The following MRAP2 variants were observed in gnomAD, a reference collection of about 807,000 sequenced individuals.
The protein encoded by MRAP2 is melanocortin 2 receptor accessory protein 2.
A neutral mutation model predicts 17.4 loss-of-function variants in MRAP2; 20 were observed. The observed-to-expected ratio is 1.15, with a 90% CI of 0.81 to 1.67. The LOEUF (loss-of-function observed/expected upper bound fraction) is 1.67. Among genes scored for constraint, MRAP2 ranks in the 40% most tolerant of loss-of-function variants. The pLI is 0.00. For synonymous variants in MRAP2, 96 were observed against 88.4 expected (o/e 1.09, Z -0.48); for missense variants, 238 against 240.0 (o/e 0.99, Z 0.05).
At chr6:84,042,061 G>C (rs1336374690) in intron 1 of MRAP2, among the ~76,000 whole-genome samples, 1 of 152,188 alleles carries the variant, frequency 6.6e-6, no homozygotes, top group African/African-American at 2.4e-5. Flanking sequence ...GAGGGACCTG[G>C]TGGGAGGTAA....
At chr6:84,118,873 A>T in the MRAP2 span, among the ~76,000 whole-genome samples, 2 of 152,226 alleles carry the variant, frequency 1.3e-5, no homozygotes, top group Admixed American at 6.5e-5. Context: ...TAGGTGTGAG[A>T]TAAGGATCCA....
At chr6:84,124,211 A>T in the MRAP2 span, 1 of 152,234 alleles carries the variant, frequency 6.6e-6, no homozygotes, top group East Asian at 1.9e-4. Flanking sequence ...CATTACTGGG[A>T]ATCTACCCAA....
At chr6:84,111,039 C>G in the MRAP2 span, among the ~76,000 whole-genome samples, 4 of 152,064 alleles carry the variant, frequency 2.6e-5, no homozygotes, top group Non-Finnish European at 5.9e-5. Flanking sequence ...TAGCATGATG[C>G]CTTCAGTTTT....
At position 84,085,564 on chromosome 6, in the gene MRAP2, G is replaced by T. The variant is rs2099500223; in HGVS notation, c.228-3527G>T. On this transcript the variant is annotated intron_variant, in intron 3 of 3. Transcript: ENST00000257776. ...TCCACCACTTAGGATGTTTATTTTT[G>T]CTCTTGAAAGATTTTCAGAAACAAG... Among the ~76,000 whole-genome samples the T allele has an allele frequency of 1.3e-5, 2 of 152,064 alleles. 1 individual carries two copies. The highest frequency in any genetic ancestry group is 4.1e-4 in the South Asian group (2 of 4,820).
At chr6:84,041,120 C>T (rs1015266289) in intron 1 of MRAP2, among the ~76,000 whole-genome samples, 2 of 152,248 alleles carry the variant, frequency 1.3e-5, no homozygotes, top group Non-Finnish European at 2.9e-5. Context: ...GTCATTGCAG[C>T]CATGGCTAAA....
At chr6:84,047,344 C>G (rs56367667) in intron 1 of MRAP2, among the ~76,000 whole-genome samples, 2,417 of 151,922 alleles carry the variant, frequency 0.016, 64 homozygotes, top group African/African-American at 0.054. Context: ...GCATGCACCA[C>G]CATGCCCAGC....
the MRAP2 span, among the ~76,000 whole-genome samples, chr6:84,103,422 G>A: frequency 6.6e-6 from 1 of 150,702 alleles, no homozygotes; most frequent in African/African-American, 2.5e-5. Flanking sequence ...ATCAGGGGGT[G>A]AGCACCTGCC....
intron 3 of MRAP2, among the ~76,000 whole-genome samples, chr6:84,083,338 A>T (rs550622628): frequency 1.7e-4 from 26 of 152,350 alleles, no homozygotes; most frequent in African/African-American, 5.8e-4. Context: ...GCTAGTCATC[A>T]TTTTAAGTTA....
At chr6:84,059,200 G>T (rs2129166217) in intron 2 of MRAP2, among the ~76,000 whole-genome samples, 1 of 152,294 alleles carries the variant, frequency 6.6e-6, no homozygotes, top group South Asian at 2.1e-4. Context: ...AGCTATCAGT[G>T]GTGGCCAAAT....
At chr6:84,134,192 G>A in the MRAP2 span, among the ~76,000 whole-genome samples, 96 of 152,298 alleles carry the variant, frequency 6.3e-4, no homozygotes, top group African/African-American at 2.2e-3. Flanking sequence ...CTCAGTAATG[G>A]TGGATGCCAC....
intron 3 of MRAP2, among the ~76,000 whole-genome samples, chr6:84,086,573 A>C (rs1387710990): frequency 6.6e-6 from 1 of 152,202 alleles, no homozygotes; most frequent in Non-Finnish European, 1.5e-5. Flanking sequence ...AAGTATATTG[A>C]GTGTTTAATA....
intron 2 of MRAP2, among the ~76,000 whole-genome samples, chr6:84,061,040 G>C (rs548833255): frequency 1.2e-3 from 180 of 151,850 alleles, no homozygotes; most frequent in Middle Eastern, 6.8e-3. Context: ...ATATTAAAAG[G>C]CAAAGTATAC....
intron 3 of MRAP2, among the ~76,000 whole-genome samples, chr6:84,084,927 T>TTTA (rs2099499983): frequency 2.9e-5 from 3 of 103,944 alleles, no homozygotes; most frequent in African/African-American, 8.4e-5. Context: ...ATTTATTTTA[T>TTTA]TTTACTTTAT....
intron 3 of MRAP2, among the ~76,000 whole-genome samples, chr6:84,072,560 G>A (rs1041912475): frequency 7.2e-5 from 11 of 152,206 alleles, no homozygotes; most frequent in African/African-American, 1.7e-4. Flanking sequence ...GCCTCCTGCC[G>A]GGTCATGTTG....
chr6:84,068,517 G>A (rs964004901), intron 3 of MRAP2, among the ~76,000 whole-genome samples: 1 of 152,152 alleles, frequency 6.6e-6, no homozygotes, highest in Non-Finnish European at 1.5e-5. Flanking sequence ...CCATCCATGA[G>A]CATGGGATGT....
the MRAP2 span, among the ~76,000 whole-genome samples, chr6:84,113,334 C>G: frequency 6.6e-6 from 1 of 152,084 alleles, no homozygotes; most frequent in African/African-American, 2.4e-5. Flanking sequence ...ATCCCTTTAC[C>G]ATTATGTAAT....
chr6:84,114,766 C>T, the MRAP2 span, among the ~76,000 whole-genome samples: 33 of 152,214 alleles, frequency 2.2e-4, no homozygotes, highest in African/African-American at 4.8e-4. Context: ...TCTGCATGGA[C>T]GTCCTTTCTG....
At chr6:84,045,378 C>G (rs934782031) in intron 1 of MRAP2, 2 of 985,186 alleles carry the variant, frequency 2.0e-6, no homozygotes, top group Admixed American at 1.2e-4. Context: ...CAAGCCTGCC[C>G]CCAAGACCTC....
Position 84,089,442 on chromosome 6 carries a change from T to G in MRAP2, c.579T>G (p.Thr193=), listed in dbSNP as rs115888786. The G allele has an allele frequency of 6.2e-7, 1 of 1,613,952 alleles. No homozygotes were observed. The highest frequency in any genetic ancestry group is 1.3e-5 in the African/African-American group (1 of 75,062). Residue 193 remains threonine, a synonymous_variant, in exon 4 of 4, where the codon ACT becomes ACG. Coordinates refer to ENST00000257776, the MANE Select transcript of MRAP2 (RefSeq NM_138409.4). ...CTGAACCACCTATTGTTCTGGAAAC[T>G]AAGCCACTTTCCCAGACCTCACACA... The part of the protein sequence containing the change: ...LISEPPIVLE[T]KPLSQTSHKD...
Sources: gnomAD v4.1 joint callset for allele counts (sites outside exome capture counted in the v4.1 genomes callset) on GRCh38, gnomAD v4.1.1 for gene constraint, MANE v1.5 for transcripts, NCBI Gene and HGNC (gene_info 2026-07-23, HGNC 2026-07-21) for gene names.